The following ERBB4 variants were observed in gnomAD, a reference collection of about 807,000 sequenced individuals.
The protein encoded by ERBB4 is receptor tyrosine-protein kinase erbB-4.
Under a neutral mutation model 158.0 loss-of-function variants are expected in ERBB4, and 42 were observed. The ratio of observed to expected loss-of-function variants is 0.27; its 90% CI spans 0.21 to 0.34. ERBB4 has a LOEUF of 0.34. Among genes scored for constraint, ERBB4 ranks in the 10% least tolerant of loss-of-function variants. ERBB4 has a pLI of 1.00. For missense variants in ERBB4, 1,333 were observed against 1,624.1 expected (o/e 0.82, Z 3.08); for synonymous variants, 583 against 558.7 (o/e 1.04, Z -0.61).
intron 2 of ERBB4, among the ~76,000 whole-genome samples, chr2:212,121,768 C>G (rs1284915383): frequency 6.6e-6 from 1 of 152,138 alleles, no homozygotes; most frequent in Non-Finnish European, 1.5e-5. Context: ...GTGTCTAAAA[C>G]AGTACACACT....
chr2:212,514,706 G>A (rs1691726276), intron 1 of ERBB4, among the ~76,000 whole-genome samples: 1 of 152,168 alleles, frequency 6.6e-6, no homozygotes, highest in Non-Finnish European at 1.5e-5. Context: ...TCTGGAGGCT[G>A]AGGCAAGAGA....
chr2:212,124,276 G>A (rs2079850297), intron 2 of ERBB4, among the ~76,000 whole-genome samples: 2 of 152,008 alleles, frequency 1.3e-5, no homozygotes, highest in Non-Finnish European at 2.9e-5. Context: ...TAAATAATTT[G>A]TAGGTTTTCA....
intron 3 of ERBB4, among the ~76,000 whole-genome samples, chr2:211,792,761 T>C (rs2076303887): frequency 6.6e-6 from 1 of 151,936 alleles, no homozygotes; most frequent in Admixed American, 6.6e-5. Flanking sequence ...ATCTTTGTCA[T>C]TCACTCCACA....
At chr2:211,879,421 T>C (rs754752120) in intron 3 of ERBB4, among the ~76,000 whole-genome samples, 3 of 152,214 alleles carry the variant, frequency 2.0e-5, no homozygotes, top group South Asian at 2.1e-4. Flanking sequence ...TTTAACCTCA[T>C]TGATAATCAA....
chr2:211,578,007 G>A (rs187406132), intron 19 of ERBB4, among the ~76,000 whole-genome samples: 34 of 152,200 alleles, frequency 2.2e-4, no homozygotes, highest in African/African-American at 7.7e-4. Flanking sequence ...AATAGGAAGC[G>A]AGGAAGTCAA....
intron 12 of ERBB4, among the ~76,000 whole-genome samples, chr2:211,699,379 C>T (rs2073148567): frequency 6.6e-6 from 1 of 152,064 alleles, no homozygotes; most frequent in African/African-American, 2.4e-5. Context: ...ATTTACAGTG[C>T]ATTTAAAATG....
At chr2:211,729,685 A>G (rs1160983233) in intron 5 of ERBB4, among the ~76,000 whole-genome samples, 1 of 151,882 alleles carries the variant, frequency 6.6e-6, no homozygotes, top group Non-Finnish European at 1.5e-5. Context: ...CTCATATTTT[A>G]TTACAATGGG....
rs2070960843 is a variant in ERBB4 at position 211,650,973 on chromosome 2, A to AG, written c.1946+6780dup. On this transcript the variant is annotated intron_variant, in intron 16 of 27. Transcript: ENST00000342788. ...GTGACTAGTGGTTACCATATTGGAC[A>AG]GTGCAGGTCTAGAGCAATCTTGAGA... 3.9e-5 allele frequency among the ~76,000 whole-genome samples: 6 copies of AG among 152,314 alleles called. No homozygotes were observed. The South Asian group carries it at 1.2e-3, about 32-fold the overall frequency.
At chr2:211,652,412 A>T (rs1172716961) in intron 16 of ERBB4, among the ~76,000 whole-genome samples, 1 of 152,206 alleles carries the variant, frequency 6.6e-6, no homozygotes, top group Non-Finnish European at 1.5e-5. Flanking sequence ...ACTGCCACTC[A>T]TCTAAGGTAA....
intron 1 of ERBB4, among the ~76,000 whole-genome samples, chr2:212,134,720 G>C (rs28713306): frequency 0.011 from 1,325 of 115,272 alleles, 16 homozygotes; most frequent in African/African-American, 0.043. Flanking sequence ...GTCTGGCTCT[G>C]TCGCCCAGAC....
At chr2:212,409,972 C>T (rs1459364490) in intron 1 of ERBB4, among the ~76,000 whole-genome samples, 2 of 151,856 alleles carry the variant, frequency 1.3e-5, no homozygotes, top group Admixed American at 1.3e-4. Flanking sequence ...TGAAATAAAT[C>T]CAGGCTTCAT....
intron 3 of ERBB4, among the ~76,000 whole-genome samples, chr2:211,919,991 CCT>C (rs2079814359): frequency 6.6e-6 from 1 of 151,874 alleles, no homozygotes; most frequent in Non-Finnish European, 1.5e-5. Flanking sequence ...ACATATGACC[CCT>C]CTCCTTGTAT....
chr2:211,694,483 A>G (rs2072935935), intron 12 of ERBB4, among the ~76,000 whole-genome samples: 1 of 152,162 alleles, frequency 6.6e-6, no homozygotes, highest in African/African-American at 2.4e-5. Context: ...TGATAAGAAC[A>G]TAGTGAACAT....
rs533433038 is a variant in ERBB4 at position 211,840,772 on chromosome 2, C to A, written c.422-52613G>T. ...ATGTCCAATATCATTAATGATAAAC[C>A]TTGATTCAGCAAGGTTTTGTGCTTG... On this transcript the variant is annotated intron_variant, in intron 3 of 27. Coordinates refer to ENST00000342788, the MANE Select transcript of ERBB4 (RefSeq NM_005235.3). 6.3e-4 allele frequency among the ~76,000 whole-genome samples: 96 copies of A among 152,072 alleles called. 1 individual carries two copies. The highest frequency in any genetic ancestry group is 2.3e-3 in the African/African-American group (94 of 41,516).
At chr2:211,698,381 T>A (rs535328489) in intron 12 of ERBB4, among the ~76,000 whole-genome samples, 1 of 151,604 alleles carries the variant, frequency 6.6e-6, no homozygotes, top group African/African-American at 2.4e-5. Flanking sequence ...TGGGAGATGC[T>A]TATACTATAT....
chr2:211,458,367 A>G (rs2064441378), intron 20 of ERBB4, among the ~76,000 whole-genome samples: 1 of 152,010 alleles, frequency 6.6e-6, no homozygotes, highest in South Asian at 2.1e-4. Flanking sequence ...CCCGGGTTCA[A>G]GTGATCCCCC....
chr2:212,253,562 G>A (rs184652075), intron 1 of ERBB4, among the ~76,000 whole-genome samples: 1 of 152,206 alleles, frequency 6.6e-6, no homozygotes, highest in East Asian at 1.9e-4. Context: ...AGTCTGGAGT[G>A]GGGCCCATAC....
chr2:211,947,325 C>A, intron 3 of ERBB4, 105 bp downstream of exon 3: 3 of 905,634 alleles, frequency 3.3e-6, no homozygotes, highest in Non-Finnish European at 5.4e-6. Flanking sequence ...TATTTAAATG[C>A]CTTAGAGTGT....
chr2:211,809,778 T>C (rs527886296), intron 3 of ERBB4, among the ~76,000 whole-genome samples: 1 of 152,196 alleles, frequency 6.6e-6, no homozygotes, highest in African/African-American at 2.4e-5. Context: ...TTAATTATGA[T>C]GTTAGGGTGT....
Sources: gnomAD v4.1 joint callset for allele counts (sites outside exome capture counted in the v4.1 genomes callset) on GRCh38, gnomAD v4.1.1 for gene constraint, MANE v1.5 for transcripts, NCBI Gene and HGNC (gene_info 2026-07-23, HGNC 2026-07-21) for gene names.